EPHA6: variants seen among roughly 807,000 people sequenced by gnomAD.
EPHA6 encodes the protein ephrin type-A receptor 6.
In EPHA6, 50 loss-of-function variants were observed where a neutral mutation model predicts 112.0. The ratio of observed to expected loss-of-function variants is 0.45; its 90% CI spans 0.36 to 0.56. EPHA6 has a LOEUF of 0.56. Ranked by LOEUF, EPHA6 falls within the 20% of genes least tolerant of loss-of-function variation. The probability of loss-of-function intolerance (pLI) is 0.00; values close to 1 mark genes in which losing one functional copy is unlikely to be tolerated. For missense variants in EPHA6, 1,280 were observed against 1,417.4 expected (o/e 0.90, Z 1.56); for synonymous variants, 529 against 490.7 (o/e 1.08, Z -1.03).
At chr3:97,325,309 T>A (rs939460227) in intron 5 of EPHA6, among the ~76,000 whole-genome samples, 1 of 152,122 alleles carries the variant, frequency 6.6e-6, no homozygotes, top group Non-Finnish European at 1.5e-5. Flanking sequence ...CAAGTTTGGT[T>A]TCCTCTGCTG....
intron 3 of EPHA6, among the ~76,000 whole-genome samples, chr3:97,092,703 A>T (rs763051628): frequency 1.3e-5 from 2 of 152,058 alleles, no homozygotes; most frequent in African/African-American, 4.8e-5. Flanking sequence ...AAGAAGCCAT[A>T]TTATAATATC....
chr3:97,601,432 G>T (rs2093642634), intron 12 of EPHA6, among the ~76,000 whole-genome samples: 1 of 152,098 alleles, frequency 6.6e-6, no homozygotes, highest in African/African-American at 2.4e-5. Flanking sequence ...TAGCATACAT[G>T]CCCTCATGGG....
chr3:97,032,834 T>G (rs1210836841), intron 3 of EPHA6, among the ~76,000 whole-genome samples: 1 of 151,960 alleles, frequency 6.6e-6, no homozygotes, highest in East Asian at 1.9e-4. Flanking sequence ...AAATATTTTT[T>G]ATCGGCTGAA....
Position 96,918,304 on chromosome 3 carries a change from A to G in EPHA6, c.450+51415A>G, listed in dbSNP as rs1193955624. On this transcript the variant is annotated intron_variant, in intron 2 of 17. Transcript: ENST00000389672. ...ATGGATAAAATTATATTCTAAGTTT[A>G]CATGTTAAACTTTTATAGTCTAATG... 2.6e-5 allele frequency among the ~76,000 whole-genome samples: 4 copies of G among 152,320 alleles called. 1 individual carries two copies. The East Asian group carries it at 5.8e-4, about 22-fold the overall frequency.
intron 14 of EPHA6, among the ~76,000 whole-genome samples, chr3:97,710,023 G>A (rs1050459953): frequency 6.6e-5 from 10 of 152,142 alleles, no homozygotes; most frequent in African/African-American, 2.2e-4. Flanking sequence ...GAAAATATGA[G>A]CATTTTAATA....
At chr3:97,344,079 C>T (rs1263130662) in intron 5 of EPHA6, among the ~76,000 whole-genome samples, 7 of 152,122 alleles carry the variant, frequency 4.6e-5, no homozygotes, top group Non-Finnish European at 8.8e-5. Flanking sequence ...TTTTGTTTCA[C>T]AGGTTCACAG....
At chr3:97,229,181 C>A (rs1224155147) in intron 4 of EPHA6, among the ~76,000 whole-genome samples, 3 of 152,080 alleles carry the variant, frequency 2.0e-5, no homozygotes, top group Non-Finnish European at 2.9e-5. Flanking sequence ...ATTAACTCTG[C>A]TGATTATTTC....
chr3:97,058,218 A>G (rs2045911077), intron 3 of EPHA6, among the ~76,000 whole-genome samples: 1 of 152,128 alleles, frequency 6.6e-6, no homozygotes, highest in African/African-American at 2.4e-5. Flanking sequence ...TGAAAAAAAT[A>G]TATATATAAA....
intron 10 of EPHA6, among the ~76,000 whole-genome samples, chr3:97,517,294 G>A (rs2092462424): frequency 6.6e-6 from 1 of 152,080 alleles, no homozygotes; most frequent in African/African-American, 2.4e-5. Flanking sequence ...AAGAACTATA[G>A]TGTGTGTCAG....
chr3:97,317,695 A>G (rs2081911956), intron 5 of EPHA6, among the ~76,000 whole-genome samples: 1 of 151,982 alleles, frequency 6.6e-6, no homozygotes, highest in African/African-American at 2.4e-5. Flanking sequence ...GCTAATGCAC[A>G]GTCTGACATT....
At chr3:97,378,578 A>G (rs2085519801) in intron 5 of EPHA6, among the ~76,000 whole-genome samples, 1 of 152,140 alleles carries the variant, frequency 6.6e-6, no homozygotes, top group Non-Finnish European at 1.5e-5. Context: ...AGCAGCCAGA[A>G]GGGAGACTGT....
intron 5 of EPHA6, among the ~76,000 whole-genome samples, chr3:97,324,492 T>C (rs1424834569): frequency 2.9e-5 from 4 of 138,976 alleles, no homozygotes; most frequent in Non-Finnish European, 6.2e-5. Context: ...CTCTTTCTCT[T>C]TCTTTCTTTC....
intron 3 of EPHA6, 54 bp from the exon 4 acceptor site, chr3:97,226,210 A>G: frequency 6.8e-7 from 1 of 1,477,486 alleles, no homozygotes; most frequent in Admixed American, 2.0e-5. Flanking sequence ...ACATGTACAA[A>G]TAAAAGAATC....
intron 6 of EPHA6, among the ~76,000 whole-genome samples, chr3:97,410,969 A>C (rs2087672721): frequency 6.6e-6 from 1 of 152,042 alleles, no homozygotes; most frequent in Non-Finnish European, 1.5e-5. Context: ...CAGAACTACA[A>C]GTATTAATCT....
At chr3:97,006,864 A>G (rs778506249) in intron 3 of EPHA6, among the ~76,000 whole-genome samples, 50 of 152,158 alleles carry the variant, frequency 3.3e-4, no homozygotes, top group Non-Finnish European at 6.0e-4. Flanking sequence ...TCATTTACCC[A>G]GGAGTCATTC....
At chr3:96,886,750 G>T (rs1314880310) in intron 2 of EPHA6, among the ~76,000 whole-genome samples, 2 of 151,798 alleles carry the variant, frequency 1.3e-5, no homozygotes, top group Admixed American at 1.3e-4. Context: ...TTTTGTTTTT[G>T]CTTTTTAACT....
chr3:96,861,313 A>G (rs1268571989), intron 1 of EPHA6, among the ~76,000 whole-genome samples: 2 of 152,118 alleles, frequency 1.3e-5, no homozygotes, highest in Non-Finnish European at 2.9e-5. Flanking sequence ...AAGTAATAGC[A>G]AACTGCTTCA....
chr3:97,634,855 C>T (rs2093932624), intron 13 of EPHA6, among the ~76,000 whole-genome samples: 1 of 152,004 alleles, frequency 6.6e-6, no homozygotes, highest in Admixed American at 6.6e-5. Flanking sequence ...GGTATTGATG[C>T]TGAGAGTGTC....
intron 2 of EPHA6, among the ~76,000 whole-genome samples, chr3:96,961,478 A>G (rs745876121): frequency 7.2e-5 from 11 of 152,174 alleles, no homozygotes; most frequent in African/African-American, 1.9e-4. Flanking sequence ...ATTTCACACC[A>G]TACTCTGAGT....
Sources: allele counts gnomAD v4.1 joint callset (sites outside exome capture counted in the v4.1 genomes callset), GRCh38; gene constraint gnomAD v4.1.1; transcripts MANE v1.5; gene names NCBI Gene and HGNC (gene_info 2026-07-23, HGNC 2026-07-21).